The following DLG2 variants were observed in gnomAD, a reference collection of about 807,000 sequenced individuals.
The protein encoded by DLG2 is discs large MAGUK scaffold protein 2.
Under a neutral mutation model 132.5 loss-of-function variants are expected in DLG2, and 45 were observed. That is an observed-to-expected ratio of 0.34 (90% CI 0.27 to 0.44). The LOEUF (loss-of-function observed/expected upper bound fraction) is 0.44. Among genes scored for constraint, DLG2 ranks in the 20% least tolerant of loss-of-function variants. The probability of loss-of-function intolerance (pLI) is 1.00; values close to 1 mark genes in which losing one functional copy is unlikely to be tolerated. For missense variants in DLG2, 1,045 were observed against 1,196.9 expected (o/e 0.87, Z 1.87); for synonymous variants, 424 against 419.6 (o/e 1.01, Z -0.13).
At chr11:83,792,849 T>A (rs7931558) in intron 17 of DLG2, among the ~76,000 whole-genome samples, 31,495 of 152,040 alleles carry the variant, frequency 0.21, 3,501 homozygotes, top group South Asian at 0.29. Flanking sequence ...AATGTCAAAT[T>A]TTGATAGGTA....
intron 11 of DLG2, among the ~76,000 whole-genome samples, chr11:84,035,777 T>G (rs2095848776): frequency 1.3e-5 from 2 of 152,192 alleles, no homozygotes; most frequent in Admixed American, 1.3e-4. Flanking sequence ...GTTTGAGTAC[T>G]ACTGCAGTAG....
At chr11:84,813,484 C>G (rs73514939) in intron 6 of DLG2, among the ~76,000 whole-genome samples, 2,273 of 152,192 alleles carry the variant, frequency 0.015, 61 homozygotes, top group African/African-American at 0.052. Context: ...TTTTTCTACT[C>G]TAAGACCCAA....
intron 6 of DLG2, among the ~76,000 whole-genome samples, chr11:85,059,026 A>G (rs1220433090): frequency 6.6e-6 from 1 of 151,544 alleles, no homozygotes; most frequent in Non-Finnish European, 1.5e-5. Flanking sequence ...ATTAAAAGTA[A>G]TAACTTTAGT....
chr11:84,585,087 T>C lies in DLG2; in HGVS notation c.358-50356A>G, dbSNP rs557901001. Among the ~76,000 whole-genome samples the C allele has an allele frequency of 7.2e-4, 110 of 152,322 alleles. 4 individuals are homozygous for C. The South Asian group carries it at 0.022, about 30-fold the overall frequency. ...TAATGACAAAGTCATAATAATATTA[T>C]GCTATATTTTTTCTAAAATGTTTAA... On this transcript the variant is annotated intron_variant, in intron 6 of 27. Coordinates refer to ENST00000376104, the MANE Select transcript of DLG2 (RefSeq NM_001142699.3).
chr11:84,533,995 C>T (rs560800900), intron 7 of DLG2, among the ~76,000 whole-genome samples: 1 of 147,432 alleles, frequency 6.8e-6, no homozygotes, highest in East Asian at 2.0e-4. Context: ...TTTAATTATA[C>T]CTTCTTCTTG....
chr11:83,534,221 T>C (rs1226813210), intron 20 of DLG2, among the ~76,000 whole-genome samples: 6 of 152,218 alleles, frequency 3.9e-5, no homozygotes, highest in Non-Finnish European at 8.8e-5. Flanking sequence ...TTGCACTGCA[T>C]ATACAGGGTT....
intron 4 of DLG2, among the ~76,000 whole-genome samples, chr11:85,181,865 G>C (rs1051083944): frequency 7.3e-5 from 11 of 151,098 alleles, no homozygotes; most frequent in Admixed American, 2.7e-4. Context: ...GGAGATCATC[G>C]TCCCTTACAG....
chr11:83,497,157 G>A (rs1419819107), intron 21 of DLG2, among the ~76,000 whole-genome samples: 1 of 152,150 alleles, frequency 6.6e-6, no homozygotes, highest in Non-Finnish European at 1.5e-5. Flanking sequence ...TCTACTATGA[G>A]TATGGAGAGA....
At chr11:84,752,010 T>A (rs2066177521) in intron 6 of DLG2, among the ~76,000 whole-genome samples, 1 of 152,180 alleles carries the variant, frequency 6.6e-6, no homozygotes. Flanking sequence ...ATATCTTGGC[T>A]GAACCACTGG....
intron 6 of DLG2, among the ~76,000 whole-genome samples, chr11:84,910,019 A>G (rs1043719326): frequency 2.6e-5 from 4 of 152,204 alleles, no homozygotes; most frequent in African/African-American, 9.7e-5. Context: ...CTAGTGCTGT[A>G]AAAATCAATG....
At chr11:83,809,278 G>A (rs867429993) in intron 17 of DLG2, among the ~76,000 whole-genome samples, 3 of 152,278 alleles carry the variant, frequency 2.0e-5, no homozygotes, top group Middle Eastern at 6.8e-3. Flanking sequence ...GCAAGCCAGA[G>A]GAGCTTGCTC....
chr11:85,526,594 A>G lies in DLG2; in HGVS notation c.40+72063T>C, dbSNP rs572612360. On this transcript the variant is annotated intron_variant, in intron 3 of 27. Coordinates refer to ENST00000376104, the MANE Select transcript of DLG2 (RefSeq NM_001142699.3). Reference sequence around the variant, plus strand: ...ATCTGGAGTTATACCAAGAATGAAGAGCATTAGAACTGGTAACTACATGAG... The same window carrying G: ...ATCTGGAGTTATACCAAGAATGAAGGGCATTAGAACTGGTAACTACATGAG... Among the ~76,000 whole-genome samples, 7 of 152,334 alleles carry G rather than the reference A, an allele frequency of 4.6e-5. No homozygotes were observed. The East Asian group carries it at 1.2e-3, about 25-fold the overall frequency.
chr11:84,667,958 G>A (rs2099701648), intron 6 of DLG2, among the ~76,000 whole-genome samples: 1 of 152,028 alleles, frequency 6.6e-6, no homozygotes, highest in Admixed American at 6.6e-5. Flanking sequence ...AACTTTTGAG[G>A]GTAATCTTTA....
chr11:84,614,634 G>A (rs911328447), intron 6 of DLG2, among the ~76,000 whole-genome samples: 5 of 152,164 alleles, frequency 3.3e-5, no homozygotes, highest in African/African-American at 1.2e-4. Flanking sequence ...GTGCTAAATA[G>A]TGAATGACAA....
intron 3 of DLG2, among the ~76,000 whole-genome samples, chr11:85,387,921 A>G (rs890257986): frequency 3.9e-5 from 6 of 152,204 alleles, no homozygotes; most frequent in African/African-American, 1.4e-4. Context: ...CCACAGGTAC[A>G]ACCAGGAAAA....
chr11:84,984,789 A>G (rs1333880412), intron 6 of DLG2, among the ~76,000 whole-genome samples: 1 of 152,216 alleles, frequency 6.6e-6, no homozygotes, highest in Non-Finnish European at 1.5e-5. Context: ...AGGGATGGAA[A>G]AAGACATTCC....
intron 3 of DLG2, among the ~76,000 whole-genome samples, chr11:85,514,809 C>T (rs1320862271): frequency 6.6e-6 from 1 of 151,872 alleles, no homozygotes; most frequent in Non-Finnish European, 1.5e-5. Flanking sequence ...GGAGTCACTC[C>T]CCCTACATAC....
At chr11:84,620,175 A>G (rs2099611432) in intron 6 of DLG2, among the ~76,000 whole-genome samples, 2 of 151,816 alleles carry the variant, frequency 1.3e-5, no homozygotes, top group Non-Finnish European at 3.0e-5. Context: ...AGGCTCACAT[A>G]GTATAGAAAT....
At chr11:83,821,650 C>T (rs2050827889) in intron 17 of DLG2, among the ~76,000 whole-genome samples, 1 of 151,982 alleles carries the variant, frequency 6.6e-6, no homozygotes, top group Admixed American at 6.6e-5. Context: ...TTATAAAGTG[C>T]CAGATACTTT....
Sources: gnomAD v4.1 joint callset for allele counts (sites outside exome capture counted in the v4.1 genomes callset) on GRCh38, gnomAD v4.1.1 for gene constraint, MANE v1.5 for transcripts, NCBI Gene and HGNC (gene_info 2026-07-23, HGNC 2026-07-21) for gene names.